The following PCDHAC1 variants were observed in gnomAD, a reference collection of about 807,000 sequenced individuals.
The protein encoded by PCDHAC1 is protocadherin alpha subfamily C, 1.
In PCDHAC1, 42 loss-of-function variants were observed where a neutral mutation model predicts 60.0. The observed-to-expected ratio is 0.70, with a 90% CI of 0.55 to 0.90. The LOEUF is 0.90. Ranked by LOEUF, PCDHAC1 falls within the 40% of genes least tolerant of loss-of-function variation. The pLI, the probability that PCDHAC1 is intolerant of heterozygous loss-of-function variation, is 0.00. For missense variants in PCDHAC1, 1,160 were observed against 1,222.3 expected, an observed-to-expected ratio of 0.95 and a Z score of 0.76; for synonymous variants, 468 against 499.3, an observed-to-expected ratio of 0.94 and a Z score of 0.84.
chr5:140,996,630 A>G (rs765477034), intron 3 of PCDHAC1, among the ~76,000 whole-genome samples: 10 of 152,210 alleles, frequency 6.6e-5, no homozygotes, highest in Non-Finnish European at 1.5e-4. Flanking sequence ...TGGTTCCTGC[A>G]AATTATGTAG....
intron 3 of PCDHAC1, among the ~76,000 whole-genome samples, chr5:140,986,380 G>T (rs1554247980): frequency 6.6e-6 from 1 of 152,130 alleles, no homozygotes; most frequent in African/African-American, 2.4e-5. Flanking sequence ...TGGGGGGAGG[G>T]ACATTAAAGG....
Position 140,927,402 on chromosome 5 carries a change from C to G in PCDHAC1, c.510C>G (p.Arg170=). The G allele has an allele frequency of 6.2e-7, 1 of 1,614,128 alleles. No homozygotes were observed. The highest frequency in any genetic ancestry group is 8.5e-7 in the Non-Finnish European group (1 of 1,179,978). ...SYSLSPSQHF[R]LDMGSRVDGS... ...GCCTAAGCCCCAGTCAGCACTTTCG[C>G]CTGGACATGGGATCGCGGGTTGACG... Residue 170 remains arginine (R), a synonymous_variant, in exon 1 of 4, where the codon CGC becomes CGG. Transcript: ENST00000253807.
At chr5:140,968,660 C>T in intron 1 of PCDHAC1, 1 of 1,614,166 alleles carries the variant, frequency 6.2e-7, no homozygotes, top group Non-Finnish European at 8.5e-7. Flanking sequence ...TGACCTGGAC[C>T]TCTTTAAGGT....
intron 3 of PCDHAC1, among the ~76,000 whole-genome samples, chr5:141,000,383 C>G (rs1324907388): frequency 4.7e-5 from 3 of 63,178 alleles, no homozygotes; most frequent in South Asian, 1.1e-3. Flanking sequence ...CTCTCTCTCT[C>G]TCTCTCTCTC....
At chr5:140,960,855 A>T (rs1363929142) in intron 1 of PCDHAC1, among the ~76,000 whole-genome samples, 1 of 152,204 alleles carries the variant, frequency 6.6e-6, no homozygotes, top group Non-Finnish European at 1.5e-5. Context: ...GGCAACTATA[A>T]GCCAGAAATT....
rs1554203950 is a variant in PCDHAC1, at chr5:140,927,040, A to T, written c.148A>T (p.Met50Leu). 6.2e-7 allele frequency: 1 copy of T among 1,612,350 alleles called. No homozygotes were observed. Among genetic ancestry groups the T allele is most frequent in the Non-Finnish European group, 8.5e-7 (1 of 1,178,912 alleles). Reference sequence around the variant, plus strand: ...GGACTTGAGGCTGCCAGCGGCCGCTATGTCCTCGCGGAACTTTCGCTTCCT... The same window carrying T: ...GGACTTGAGGCTGCCAGCGGCCGCTTTGTCCTCGCGGAACTTTCGCTTCCT... Reference protein sequence around the residue: ...SADLRLPAAAMSSRNFRFLSS... With the variant: ...SADLRLPAAALSSRNFRFLSS... Residue 50 changes from methionine (M) to leucine (L), a missense_variant, in exon 1 of 4, where the codon ATG becomes TTG. Physicochemically the swap from Met to Leu is conservative, Grantham distance 15. Transcript: ENST00000253807.
In PCDHAC1 at chr5:141,000,775, C is replaced by T. The variant is rs919489031; in HGVS notation, c.2582-8852C>T. 3.3e-5 allele frequency among the ~76,000 whole-genome samples: 5 copies of T among 151,752 alleles called. No homozygotes were observed. In the East Asian group the frequency reaches 5.8e-4, roughly 18 times the overall value. On this transcript the variant is annotated intron_variant, in intron 3 of 3. Transcript: ENST00000253807. ...AAAAAATCTTAGCCAGGCATAGTGG[C>T]GCACACCTGTATTCCTAGCTACTCA...
intron 1 of PCDHAC1, among the ~76,000 whole-genome samples, chr5:140,969,920 A>G (rs1554232150): frequency 6.6e-6 from 1 of 152,226 alleles, no homozygotes; most frequent in African/African-American, 2.4e-5. Flanking sequence ...ATAAAGCTGT[A>G]GTATTTAGAC....
chr5:140,941,281 C>A (rs12652617), intron 1 of PCDHAC1, among the ~76,000 whole-genome samples: 1 of 69,002 alleles, frequency 1.4e-5, no homozygotes, highest in Non-Finnish European at 3.2e-5. Context: ...TTCCTTCCTT[C>A]CTTTCTCTTT....
At chr5:140,958,620 T>C (rs1260968586) in intron 1 of PCDHAC1, among the ~76,000 whole-genome samples, 1 of 152,132 alleles carries the variant, frequency 6.6e-6, no homozygotes, top group African/African-American at 2.4e-5. Flanking sequence ...CTAGTCCAGC[T>C]TGAGAGTACT....
chr5:141,007,915 A>G (rs561873534), intron 3 of PCDHAC1, among the ~76,000 whole-genome samples: 5 of 152,308 alleles, frequency 3.3e-5, no homozygotes, highest in South Asian at 2.1e-4. Flanking sequence ...TGAAGATGCT[A>G]TATAAGCTGG....
chr5:141,010,612 A>C lies in PCDHAC1; in HGVS notation c.*675A>C. Reference sequence around the variant, plus strand: ...GTTGGCTGTGACGTCATTATACCTAAAATCTGCATCATACCTGCAAGCCAA... The same window carrying C: ...GTTGGCTGTGACGTCATTATACCTACAATCTGCATCATACCTGCAAGCCAA... On this transcript the variant is annotated 3_prime_UTR_variant, in exon 4 of 4. Transcript: ENST00000253807. 1 of 196,976 alleles carries C rather than the reference A, an allele frequency of 5.1e-6. No individual in the cohort carries two copies. The highest frequency in any genetic ancestry group is 1.0e-5 in the Non-Finnish European group (1 of 95,484). 12.2% of individuals were successfully genotyped at this position (196,976 alleles called of 1,614,324 possible). A position where few individuals can be genotyped will look rare whatever the true frequency, so the allele number is the denominator to read the frequency against.
Position 140,968,579 on chromosome 5 carries a change from A to G in PCDHAC1, c.2434-10370A>G, listed in dbSNP as rs1554230883. On this transcript the variant is annotated intron_variant, in intron 1 of 3. Coordinates refer to ENST00000253807, the MANE Select transcript of PCDHAC1 (RefSeq NM_018898.5). ...AACTGCCCCTGCTGGCTACCTGGTCACCAAAGTCATAGCTATGGACTCAGA... is the reference window on the plus strand; with the variant it reads ...AACTGCCCCTGCTGGCTACCTGGTCGCCAAAGTCATAGCTATGGACTCAGA... 6 of 1,614,182 alleles carry G rather than the reference A, an allele frequency of 3.7e-6. No homozygotes were observed. The highest frequency in any genetic ancestry group is 5.1e-6 in the Non-Finnish European group (6 of 1,180,042).
At position 140,926,651 on chromosome 5, in the gene PCDHAC1, C is replaced by T; in HGVS notation, c.-242C>T. 1 of 496,446 alleles carries T rather than the reference C, an allele frequency of 2.0e-6. No homozygotes were observed. Among genetic ancestry groups the T allele is most frequent in the Non-Finnish European group, 3.3e-6 (1 of 304,884 alleles). 30.8% of individuals were successfully genotyped at this position (496,446 alleles called of 1,614,324 possible). A position where few individuals can be genotyped will look rare whatever the true frequency, so the allele number is the denominator to read the frequency against. Reference sequence around the variant, plus strand: ...TGCGCTCCTCAACACCCGGCCGGCTCCGCTTTCCCAGACGGCTGCCCAGCC... The same window carrying T: ...TGCGCTCCTCAACACCCGGCCGGCTTCGCTTTCCCAGACGGCTGCCCAGCC... On this transcript the variant is annotated 5_prime_UTR_variant, in exon 1 of 4. Coordinates refer to ENST00000253807, the MANE Select transcript of PCDHAC1 (RefSeq NM_018898.5).
intron 1 of PCDHAC1, among the ~76,000 whole-genome samples, chr5:140,974,321 T>C (rs2096622495): frequency 6.6e-6 from 1 of 152,226 alleles, no homozygotes; most frequent in Non-Finnish European, 1.5e-5. Context: ...AGAGAGTAGC[T>C]GCTGTGCTAG....
Position 141,012,299 on chromosome 5 carries a change from A to G in PCDHAC1, c.*2362A>G, listed in dbSNP as rs1554263904. 1 of 153,754 alleles carries G rather than the reference A, an allele frequency of 6.5e-6. No homozygotes were observed. Among genetic ancestry groups the G allele is most frequent in the African/African-American group, 2.4e-5 (1 of 41,456 alleles). The allele number at this position is 153,754 out of a possible 1,614,324, so 9.5% of individuals were successfully genotyped here. A position where few individuals can be genotyped will look rare whatever the true frequency, so the allele number is the denominator to read the frequency against. ...TGTGGATTCATTTTGAATTGGTGCT[A>G]TTGGTATTTCCTCTGTTATTGCTAA... On this transcript the variant is annotated 3_prime_UTR_variant, in exon 4 of 4. Transcript: ENST00000253807.
chr5:140,968,046 T>A (rs1554230254), intron 1 of PCDHAC1: 2 of 1,614,072 alleles, frequency 1.2e-6, no homozygotes, highest in African/African-American at 1.3e-5. Context: ...AGCGGCCCAC[T>A]GGACCGAGAG....
chr5:140,938,698 T>C (rs1430283682), intron 1 of PCDHAC1, among the ~76,000 whole-genome samples: 1 of 152,194 alleles, frequency 6.6e-6, no homozygotes, highest in East Asian at 1.9e-4. Context: ...TTTTTAAATA[T>C]ATGTTTATGA....
At chr5:140,957,556 A>G (rs1364343526) in intron 1 of PCDHAC1, among the ~76,000 whole-genome samples, 1 of 152,150 alleles carries the variant, frequency 6.6e-6, no homozygotes, top group African/African-American at 2.4e-5. Flanking sequence ...TCTCTGTGGA[A>G]AAGGAGGGAC....
Sources: allele counts gnomAD v4.1 joint callset (sites outside exome capture counted in the v4.1 genomes callset), GRCh38; gene constraint gnomAD v4.1.1; transcripts MANE v1.5; gene names NCBI Gene and HGNC (gene_info 2026-07-23, HGNC 2026-07-21).